The following FBXO15 variants were observed in gnomAD, a reference collection of about 807,000 sequenced individuals.
The protein encoded by FBXO15 is F-box protein 15.
In FBXO15, 30 loss-of-function variants were observed where a neutral mutation model predicts 49.5. The ratio of observed to expected loss-of-function variants is 0.61; its 90% CI spans 0.45 to 0.82. The LOEUF is 0.82. FBXO15 is among the 40% of genes least tolerant of loss of function. FBXO15 has a pLI of 0.00. For synonymous variants in FBXO15, 250 were observed against 232.7 expected (o/e 1.07, Z -0.68); for missense variants, 591 against 631.5 (o/e 0.94, Z 0.69).
At chr18:74,084,749 G>A (rs2145112721) in intron 8 of FBXO15, among the ~76,000 whole-genome samples, 1 of 152,170 alleles carries the variant, frequency 6.6e-6, no homozygotes, top group Non-Finnish European at 1.5e-5. Flanking sequence ...ATGGCCTTTA[G>A]ACTCATAAAG....
At chr18:74,077,221 T>A (rs953047581) in intron 9 of FBXO15, among the ~76,000 whole-genome samples, 1 of 152,140 alleles carries the variant, frequency 6.6e-6, no homozygotes, top group Non-Finnish European at 1.5e-5. Flanking sequence ...GCTGAATGAA[T>A]GAATGAGTGT....
chr18:74,127,823 A>T (rs928270605), intron 5 of FBXO15, among the ~76,000 whole-genome samples: 2 of 152,216 alleles, frequency 1.3e-5, no homozygotes, highest in African/African-American at 4.8e-5. Flanking sequence ...TACTGTCTTT[A>T]ACTGAGCTTT....
chr18:74,091,978 T>G (rs2097066), intron 8 of FBXO15, among the ~76,000 whole-genome samples: 1 of 152,254 alleles, frequency 6.6e-6, no homozygotes, highest in Non-Finnish European at 1.5e-5. Context: ...AATATGTTTT[T>G]CAAGGCGTTT....
In FBXO15 at chr18:74,074,136, G is replaced by A. The variant is rs1364915599; in HGVS notation, c.1264-406C>T. On this transcript the variant is annotated intron_variant, in intron 9 of 9. Coordinates refer to ENST00000419743, the MANE Select transcript of FBXO15 (RefSeq NM_001142958.2). The surrounding 1 kb of genome is among the most constrained non-coding windows in gnomAD (Gnocchi z 4.7). ...TGAGAAGCAGTGTGCCTGTGTTCCT[G>A]GGTCTTCACTGCCACCACCAGGCCG... 1.3e-5 allele frequency among the ~76,000 whole-genome samples: 2 copies of A among 152,164 alleles called. No homozygotes were observed. Among genetic ancestry groups the A allele is most frequent in the Admixed American group, 6.5e-5 (1 of 15,282 alleles).
In FBXO15 at chr18:74,130,624, A is replaced by T; in HGVS notation, c.367T>A (p.Ser123Thr). 1 of 1,613,926 alleles carries T rather than the reference A, an allele frequency of 6.2e-7. No individual in the cohort carries two copies. Among genetic ancestry groups the T allele is most frequent in the Non-Finnish European group, 8.5e-7 (1 of 1,179,884 alleles). ...AATTTCCAATTTGATCTTGCAGGTG[A>T]AAAAGCAGTTGAGTAGATTCCGATC... The part of the protein sequence containing the change: ...IWIGIYSTAF[S>T]PARSNWKFNS... Residue 123 changes from serine to threonine, a missense_variant, in exon 4 of 10, where the codon TCA (serine) becomes ACA (threonine). Transcript: ENST00000419743.
rs753571833 is a variant in FBXO15 at position 74,073,626 on chromosome 18, G to C, written c.1368C>G (p.Ser456Arg). ...TGTATGTCTGTCCCAAGAAGCTAGA[G>C]CTGTCAGAGGGTGTGGCAGGCGATC... is the stretch of plus-strand genomic sequence containing the variant. Reference protein sequence around the residue: ...CLRSPATPSDSSSFLGQTYNV... With the variant: ...CLRSPATPSDRSSFLGQTYNV... The change falls in exon 10 of 10, where the codon AGC becomes AGG. Residue 456 changes from serine to arginine, a missense_variant. By Grantham distance (110) the Ser-to-Arg change is moderately radical (BLOSUM62 -1). Transcript: ENST00000419743. 3.1e-6 allele frequency: 5 copies of C among 1,614,204 alleles called. No individual in the cohort carries two copies. Among genetic ancestry groups the C allele is most frequent in the Non-Finnish European group, 4.2e-6 (5 of 1,180,036 alleles).
intron 9 of FBXO15, among the ~76,000 whole-genome samples, chr18:74,081,066 C>G (rs1397459049): frequency 6.6e-6 from 1 of 152,084 alleles, no homozygotes; most frequent in Non-Finnish European, 1.5e-5. Context: ...TCATTTTTAC[C>G]AAAACTTAAA....
intron 2 of FBXO15, among the ~76,000 whole-genome samples, chr18:74,138,590 C>T (rs1978869850): frequency 6.6e-6 from 1 of 152,132 alleles, no homozygotes; most frequent in African/African-American, 2.4e-5. Flanking sequence ...CCTCACCCAG[C>T]TCCATGACTG....
intron 8 of FBXO15, chr18:74,123,132 C>G: frequency 2.4e-6 from 1 of 420,884 alleles, no homozygotes; most frequent in Admixed American, 4.3e-5. Context: ...GTAGGGGCTA[C>G]CCCCAGAAGG....
At chr18:74,101,652 G>A (rs889725435) in intron 8 of FBXO15, among the ~76,000 whole-genome samples, 1 of 152,100 alleles carries the variant, frequency 6.6e-6, no homozygotes, top group Non-Finnish European at 1.5e-5. Flanking sequence ...AGCCTGCATA[G>A]CCAAAGCAAG....
At chr18:74,091,326 T>C (rs1599141802) in intron 8 of FBXO15, among the ~76,000 whole-genome samples, 2 of 152,136 alleles carry the variant, frequency 1.3e-5, no homozygotes, top group Admixed American at 1.3e-4. Context: ...AGCAAACCAT[T>C]GGGTCTTGCT....
intron 8 of FBXO15, among the ~76,000 whole-genome samples, chr18:74,114,988 C>G (rs772687560): frequency 6.6e-6 from 1 of 152,100 alleles, no homozygotes; most frequent in African/African-American, 2.4e-5. Context: ...AAGCCTTTCC[C>G]TAGACACAGC....
chr18:74,094,218 C>T (rs971870187), intron 8 of FBXO15, among the ~76,000 whole-genome samples: 5 of 152,138 alleles, frequency 3.3e-5, no homozygotes, highest in African/African-American at 1.2e-4. Context: ...GGAGGTAGGG[C>T]CTGGTGGGAG....
At chr18:74,118,757 T>G (rs1914349375) in intron 8 of FBXO15, among the ~76,000 whole-genome samples, 2 of 152,194 alleles carry the variant, frequency 1.3e-5, no homozygotes, top group Admixed American at 1.3e-4. Context: ...AATGAGAGGA[T>G]GACATAGACA....
In FBXO15 at chr18:74,081,947, T is replaced by C; in HGVS notation, c.1243A>G (p.Ile415Val). 2 of 1,612,424 alleles carry C rather than the reference T, an allele frequency of 1.2e-6. No homozygotes were observed. The highest frequency in any genetic ancestry group is 2.2e-5 in the East Asian group (1 of 44,844). ...GKVGLSWKTD[I>V]FDGCIKSCSM... Reference sequence around the variant, plus strand: ...TTTACCTTTATACAGCCATCAAAAATATCAGTTTTCCACGAGAGGCCAACT... The same window carrying C: ...TTTACCTTTATACAGCCATCAAAAACATCAGTTTTCCACGAGAGGCCAACT... The change falls in exon 9 of 10, where the codon ATT becomes GTT. Residue 415 changes from isoleucine to valine, a missense_variant. By Grantham distance (29) the Ile-to-Val change is conservative. Transcript: ENST00000419743.
intron 8 of FBXO15, among the ~76,000 whole-genome samples, chr18:74,118,352 A>G (rs932922470): frequency 6.6e-6 from 1 of 151,698 alleles, no homozygotes; most frequent in African/African-American, 2.4e-5. Flanking sequence ...GCACTTTGAG[A>G]TTCAGAATGT....
chr18:74,110,186 T>C (rs1264161000), intron 8 of FBXO15, among the ~76,000 whole-genome samples: 1 of 65,594 alleles, frequency 1.5e-5, no homozygotes, highest in Non-Finnish European at 2.8e-5. Context: ...TATATACACA[T>C]ATGTGTGCAT....
intron 8 of FBXO15, among the ~76,000 whole-genome samples, chr18:74,120,387 A>G (rs958519889): frequency 2.0e-5 from 3 of 152,210 alleles, no homozygotes; most frequent in African/African-American, 7.2e-5. Context: ...TCAAGTACAC[A>G]TGGAACATAT....
At chr18:74,115,114 G>C (rs1042735615) in intron 8 of FBXO15, among the ~76,000 whole-genome samples, 3 of 152,178 alleles carry the variant, frequency 2.0e-5, no homozygotes, top group African/African-American at 7.2e-5. Context: ...AAGGACAACA[G>C]AGGAAGAAAA....
Sources: allele counts gnomAD v4.1 joint callset (sites outside exome capture counted in the v4.1 genomes callset), GRCh38; gene constraint gnomAD v4.1.1; non-coding constraint Gnocchi (gnomAD v3.1); transcripts MANE v1.5; gene names NCBI Gene and HGNC (gene_info 2026-07-23, HGNC 2026-07-21).